Variants in PSPC1 observed in about 807,000 individuals in gnomAD.
The protein encoded by PSPC1 is paraspeckle component 1.
PSPC1 carries 14 observed loss-of-function variants against 51.6 expected under a neutral mutation model. The observed-to-expected ratio is 0.27, with a 90% CI of 0.18 to 0.42. The LOEUF is 0.42. PSPC1 is among the 10% of genes least tolerant of loss of function. PSPC1 has a pLI of 1.00. For synonymous variants in PSPC1, 193 were observed against 231.9 expected (o/e 0.83, Z 1.53); for missense variants, 406 against 701.1 (o/e 0.58, Z 4.75).
At chr13:19,765,523 C>T (rs9508881) in intron 2 of PSPC1, among the ~76,000 whole-genome samples, 15,617 of 143,824 alleles carry the variant, frequency 0.11, 990 homozygotes, top group Middle Eastern at 0.15. Context: ...TTTTGAGAGA[C>T]GGGTCTCACG....
chr13:19,760,522 T>G (rs1887516696), intron 2 of PSPC1, among the ~76,000 whole-genome samples: 1 of 144,784 alleles, frequency 6.9e-6, no homozygotes, highest in Non-Finnish European at 1.5e-5. Flanking sequence ...AGTGAGACTC[T>G]GTCACCAAAA....
chr13:19,766,756 G>C (rs572588662), intron 2 of PSPC1, among the ~76,000 whole-genome samples: 10 of 151,994 alleles, frequency 6.6e-5, no homozygotes, highest in Non-Finnish European at 1.0e-4. Flanking sequence ...TTGGGAGCCT[G>C]AGGTGGGAGG....
intron 2 of PSPC1, among the ~76,000 whole-genome samples, chr13:19,767,382 G>A (rs1284127325): frequency 6.6e-6 from 1 of 151,948 alleles, no homozygotes; most frequent in African/African-American, 2.4e-5. Flanking sequence ...CATAGAGCCA[G>A]GAAACAAAAT....
chr13:19,724,708 G>C (rs1883153954), intron 6 of PSPC1, among the ~76,000 whole-genome samples: 1 of 151,930 alleles, frequency 6.6e-6, no homozygotes, highest in Admixed American at 6.6e-5. Flanking sequence ...CAAAAACTTT[G>C]CCGAGCGTGG....
At chr13:19,715,358 G>T (rs1395639297) in intron 6 of PSPC1, among the ~76,000 whole-genome samples, 4 of 152,116 alleles carry the variant, frequency 2.6e-5, no homozygotes, top group African/African-American at 9.7e-5. Flanking sequence ...AAGTGGCATG[G>T]TAAACATGCC....
At position 19,756,633 on chromosome 13, in the gene PSPC1, A is replaced by T. The variant is rs1265203184; in HGVS notation, c.770+2690T>A. Among the ~76,000 whole-genome samples, 3 of 152,032 alleles carry T rather than the reference A, an allele frequency of 2.0e-5. No homozygotes were observed. The East Asian group carries it at 6.0e-4, about 30-fold the overall frequency. On this transcript the variant is annotated intron_variant, in intron 3 of 8. Coordinates refer to ENST00000338910, the MANE Select transcript of PSPC1 (RefSeq NM_001354909.2). Reference sequence around the variant, plus strand: ...TCCCGCCTCAGCCTCCTGAGTAGCTAGAATTACAGATGCGTGCCACCACAC... The same window carrying T: ...TCCCGCCTCAGCCTCCTGAGTAGCTTGAATTACAGATGCGTGCCACCACAC...
At chr13:19,751,197 G>A (rs117001492) in intron 4 of PSPC1, 74 bp downstream of exon 4, 15,313 of 1,219,418 alleles carry the variant, frequency 0.013, 123 homozygotes, top group Non-Finnish European at 0.015. Context: ...ACTTTACACA[G>A]TAGTACATGA....
intron 1 of PSPC1, among the ~76,000 whole-genome samples, chr13:19,774,961 G>A (rs1888962749): frequency 6.6e-6 from 1 of 151,954 alleles, no homozygotes; most frequent in Non-Finnish European, 1.5e-5. Context: ...GAATCCTTGA[G>A]GCCAGGAGTT....
At chr13:19,676,536 G>A (rs575258580) in intron 7 of PSPC1, among the ~76,000 whole-genome samples, 26 of 151,996 alleles carry the variant, frequency 1.7e-4, no homozygotes, top group Non-Finnish European at 3.2e-4. Context: ...CAAACCAAGT[G>A]CACACAAATC....
chr13:19,675,450 T>C (rs1876534165), intron 7 of PSPC1: 2 of 152,102 alleles, frequency 1.3e-5, no homozygotes, highest in African/African-American at 4.8e-5. Flanking sequence ...AAAGGAAAAC[T>C]GCAGTTTACA....
In PSPC1 at chr13:19,737,843, C is replaced by T. The variant is rs371938172; in HGVS notation, c.1052+3722G>A. 3.0e-4 allele frequency among the ~76,000 whole-genome samples: 46 copies of T among 152,098 alleles called. 1 individual carries two copies. In the South Asian group the frequency reaches 7.3e-3, roughly 24 times the overall value. ...CACATGCCTGTAATATCAGCGCTTTCGGAGGCTGAGGCAGGAAAGATCACT... is the reference window on the plus strand; with the variant it reads ...CACATGCCTGTAATATCAGCGCTTTTGGAGGCTGAGGCAGGAAAGATCACT... On this transcript the variant is annotated intron_variant, in intron 5 of 8. Transcript: ENST00000338910.
In PSPC1 at chr13:19,676,956, C is replaced by T. The variant is rs372054507; in HGVS notation, c.*76+768G>A. Reference sequence around the variant, plus strand: ...TTTTTAAGATTACATATTTTCTGGCCGGGCACAGTGGCTCACGCCTCTAAT... The same window carrying T: ...TTTTTAAGATTACATATTTTCTGGCTGGGCACAGTGGCTCACGCCTCTAAT... On this transcript the variant is annotated intron_variant and NMD_transcript_variant, in intron 7 of 7. Transcript: ENST00000471658. Among the ~76,000 whole-genome samples the T allele has an allele frequency of 2.1e-3, 314 of 152,252 alleles. 1 individual carries two copies. Among genetic ancestry groups the T allele is most frequent in the African/African-American group, 7.3e-3 (302 of 41,556 alleles).
At chr13:19,682,658 G>A (rs186547030) in intron 6 of PSPC1, among the ~76,000 whole-genome samples, 2 of 152,288 alleles carry the variant, frequency 1.3e-5, no homozygotes, top group East Asian at 3.9e-4. Flanking sequence ...ACAGTATGGA[G>A]TGTTGTCAAG....
chr13:19,724,843 A>G (rs545144368), intron 6 of PSPC1, among the ~76,000 whole-genome samples: 1 of 152,206 alleles, frequency 6.6e-6, no homozygotes, highest in Non-Finnish European at 1.5e-5. Flanking sequence ...TACTAAAAAT[A>G]CAAAAATTAC....
chr13:19,751,467 C>T lies in PSPC1; in HGVS notation c.771G>A (p.Lys257=), dbSNP rs1886548048. 3 of 1,492,946 alleles carry T rather than the reference C, an allele frequency of 2.0e-6. No homozygotes were observed. Among genetic ancestry groups the T allele is most frequent in the Non-Finnish European group, 2.7e-6 (3 of 1,123,482 alleles). 92.5% of individuals were successfully genotyped at this position (1,492,946 alleles called of 1,614,324 possible). A position where few individuals can be genotyped will look rare whatever the true frequency, so the allele number is the denominator to read the frequency against. Reference sequence around the variant, plus strand: ...CAAAACGTGGTGGTTGTTCTCTTTCCCTAAATTAACATTAAAACATACAGA... The same window carrying T: ...CAAAACGTGGTGGTTGTTCTCTTTCTCTAAATTAACATTAAAACATACAGA... ...KLMQKTQQYH[K]EREQPPRFAQ... Residue 257 remains lysine, a splice_region_variant and synonymous_variant, in exon 4 of 9, where the codon AAG becomes AAA. Transcript: ENST00000338910.
intron 5 of PSPC1, among the ~76,000 whole-genome samples, chr13:19,738,704 G>A (rs1193758022): frequency 2.0e-5 from 3 of 152,026 alleles, no homozygotes; most frequent in East Asian, 1.9e-4. Flanking sequence ...TCACGAGTTC[G>A]AGACCATCCT....
intron 3 of PSPC1, among the ~76,000 whole-genome samples, chr13:19,753,147 G>A (rs1372506595): frequency 6.6e-6 from 1 of 151,934 alleles, no homozygotes; most frequent in Non-Finnish European, 1.5e-5. Flanking sequence ...GCCAGGCGTG[G>A]TGGCGGGTGC....
intron 6 of PSPC1, among the ~76,000 whole-genome samples, chr13:19,694,542 T>A (rs1878983224): frequency 6.6e-6 from 1 of 152,218 alleles, no homozygotes; most frequent in African/African-American, 2.4e-5. Flanking sequence ...CAAATCTAAT[T>A]CAGATGCAAA....
chr13:19,692,638 C>T (rs2137654662), intron 6 of PSPC1, among the ~76,000 whole-genome samples: 1 of 151,824 alleles, frequency 6.6e-6, no homozygotes, highest in South Asian at 2.1e-4. Context: ...GGATTATGCC[C>T]TCCTCTCCCT....
Sources: gnomAD v4.1 joint callset for allele counts (sites outside exome capture counted in the v4.1 genomes callset) on GRCh38, gnomAD v4.1.1 for gene constraint, MANE v1.5 for transcripts, NCBI Gene and HGNC (gene_info 2026-07-23, HGNC 2026-07-21) for gene names.